The following OR1J2 variants were observed in gnomAD, a reference collection of about 807,000 sequenced individuals.
The protein encoded by OR1J2 is olfactory receptor family 1 subfamily J member 2, also known as olfactory receptor 1J2.
For synonymous variants in OR1J2, 142 were observed against 99.7 expected, an observed-to-expected ratio of 1.42 and a Z score of -2.52; for missense variants, 304 against 246.1, an observed-to-expected ratio of 1.24 and a Z score of -1.57.
the OR1J2 span, among the ~76,000 whole-genome samples, chr9:122,447,908 G>A: frequency 5.3e-5 from 8 of 152,180 alleles, no homozygotes; most frequent in African/African-American, 1.2e-4. Context: ...AGACCAAGGC[G>A]GGAGGATTGG....
At chr9:122,561,650 C>T in the OR1J2 span, among the ~76,000 whole-genome samples, 1 of 152,116 alleles carries the variant, frequency 6.6e-6, no homozygotes, top group Non-Finnish European at 1.5e-5. Flanking sequence ...ATCTGGTTCA[C>T]TCCTGCACCT....
At chr9:122,542,238 TGGTG>T in the OR1J2 span, among the ~76,000 whole-genome samples, 1 of 152,208 alleles carries the variant, frequency 6.6e-6, no homozygotes, top group Non-Finnish European at 1.5e-5. Flanking sequence ...TGTTGAATAA[TGGTG>T]GGCAAATGGA....
chr9:122,496,826 G>A, the OR1J2 span, among the ~76,000 whole-genome samples: 1 of 152,190 alleles, frequency 6.6e-6, no homozygotes, highest in South Asian at 2.1e-4. Context: ...TCAGTGAGCA[G>A]AGGGGTGACT....
At chr9:122,556,363 A>G in the OR1J2 span, among the ~76,000 whole-genome samples, 1 of 150,304 alleles carries the variant, frequency 6.7e-6, no homozygotes. Flanking sequence ...ATTGTCTTTC[A>G]TCCTTTGTCA....
At chr9:122,500,047 C>G in the OR1J2 span, among the ~76,000 whole-genome samples, 1 of 152,300 alleles carries the variant, frequency 6.6e-6, no homozygotes. Flanking sequence ...CTGTAGAGGT[C>G]GTTACTGTGT....
the OR1J2 span, among the ~76,000 whole-genome samples, chr9:122,463,867 G>T: frequency 6.6e-6 from 1 of 152,190 alleles, no homozygotes; most frequent in African/African-American, 2.4e-5. Flanking sequence ...GTCCTTGGTT[G>T]TATTTTTGTT....
chr9:122,535,367 A>G, the OR1J2 span, among the ~76,000 whole-genome samples: 1 of 152,122 alleles, frequency 6.6e-6, no homozygotes, highest in East Asian at 1.9e-4. Context: ...GAATAATCAG[A>G]GAGGTGTCCC....
chr9:122,504,713 T>C, the OR1J2 span, among the ~76,000 whole-genome samples: 2 of 152,180 alleles, frequency 1.3e-5, no homozygotes, highest in Non-Finnish European at 2.9e-5. Context: ...ATCTATTGTA[T>C]TTCAATCTGT....
the OR1J2 span, among the ~76,000 whole-genome samples, chr9:122,493,241 C>G: frequency 6.6e-6 from 1 of 152,102 alleles, no homozygotes; most frequent in Non-Finnish European, 1.5e-5. Context: ...AGGATTCCCC[C>G]TTTCTCTATT....
chr9:122,488,075 G>T, the OR1J2 span, among the ~76,000 whole-genome samples: 31 of 152,010 alleles, frequency 2.0e-4, no homozygotes, highest in African/African-American at 7.5e-4. Context: ...CTTCCATGTT[G>T]CCTCCCTTAT....
At chr9:122,507,998 C>T (rs1828558903), upstream of OR1J2, among the ~76,000 whole-genome samples, 1 of 151,906 alleles carries the variant, frequency 6.6e-6, no homozygotes, top group South Asian at 2.1e-4. Context: ...GACAAAAATG[C>T]CACAACCAAA....
At chr9:122,507,627 C>A (rs777507239), upstream of OR1J2, among the ~76,000 whole-genome samples, 22 of 152,272 alleles carry the variant, frequency 1.4e-4, no homozygotes, top group Non-Finnish European at 2.4e-4. Flanking sequence ...CATTTTCCCC[C>A]TGTGCTCATA....
the OR1J2 span, among the ~76,000 whole-genome samples, chr9:122,461,613 T>G: frequency 6.6e-6 from 1 of 152,158 alleles, no homozygotes; most frequent in South Asian, 2.1e-4. Flanking sequence ...TTGATAGATT[T>G]TGTCATATTA....
the OR1J2 span, among the ~76,000 whole-genome samples, chr9:122,520,464 T>C: frequency 1.3e-5 from 2 of 152,208 alleles, no homozygotes; most frequent in East Asian, 1.9e-4. Context: ...AGTTCTCTTC[T>C]CACATTTTTT....
At chr9:122,529,913 A>G in the OR1J2 span, among the ~76,000 whole-genome samples, 1 of 152,196 alleles carries the variant, frequency 6.6e-6, no homozygotes, top group Admixed American at 6.5e-5. Flanking sequence ...GGTAACAGAG[A>G]AGAAGGCAAA....
At chr9:122,530,813 A>T in the OR1J2 span, among the ~76,000 whole-genome samples, 1 of 152,116 alleles carries the variant, frequency 6.6e-6, no homozygotes, top group Admixed American at 6.5e-5. Flanking sequence ...AAGGTGCTCA[A>T]TAGGGGAGCT....
At chr9:122,516,549 C>T (rs1263099027), downstream of OR1J2, among the ~76,000 whole-genome samples, 1 of 151,962 alleles carries the variant, frequency 6.6e-6, no homozygotes, top group Non-Finnish European at 1.5e-5. Flanking sequence ...GTGATCCGCC[C>T]GCCTCGGCCT....
chr9:122,497,228 C>G, the OR1J2 span, among the ~76,000 whole-genome samples: 1 of 152,180 alleles, frequency 6.6e-6, no homozygotes, highest in Non-Finnish European at 1.5e-5. Context: ...CTTGACTTTC[C>G]TGGTATGTTC....
the OR1J2 span, among the ~76,000 whole-genome samples, chr9:122,572,579 GT>G: frequency 7.8e-3 from 1,151 of 148,018 alleles, 9 homozygotes; most frequent in African/African-American, 0.026. Flanking sequence ...TTTGGGTTTG[GT>G]TTTTTTTTTT....
Sources: gnomAD v4.1 joint callset for allele counts (sites outside exome capture counted in the v4.1 genomes callset) on GRCh38, gnomAD v4.1.1 for gene constraint, MANE v1.5 for transcripts, NCBI Gene and HGNC (gene_info 2026-07-23, HGNC 2026-07-21) for gene names.